Variants in ADCY9 observed in about 807,000 individuals in gnomAD.
ADCY9 encodes adenylate cyclase 9.
In ADCY9, 50 loss-of-function variants were observed where a neutral mutation model predicts 101.5. That is an observed-to-expected ratio of 0.49 (90% confidence interval 0.39 to 0.62). ADCY9 has a LOEUF of 0.62. Among genes scored for constraint, ADCY9 ranks in the 20% least tolerant of loss-of-function variants. ADCY9 has a pLI of 0.00. For missense variants in ADCY9, 1,662 were observed against 1,800.4 expected, an observed-to-expected ratio of 0.92 and a Z score of 1.39; for synonymous variants, 905 against 769.3, an observed-to-expected ratio of 1.18 and a Z score of -2.92.
Position 4,115,297 on chromosome 16 carries a change from C to T in ADCY9, c.146G>A (p.Ser49Asn). 1 of 1,613,864 alleles carries T rather than the reference C, an allele frequency of 6.2e-7. No individual in the cohort carries two copies. Residue 49 changes from serine to asparagine, a missense_variant, in exon 2 of 11, where the codon AGC becomes AAC. Ser to Asn is a conservative substitution (Grantham distance 46). Coordinates refer to ENST00000294016, the MANE Select transcript of ADCY9 (RefSeq NM_001116.4). This position sits in a 1 kb window ranked among gnomAD's most constrained non-coding sequence, Gnocchi z 6.2. ...AGAGCTGCTGCAGCTAGAGGAGATG[C>T]TGTATTTGCAGTGCTTGGGGTGGCT... Reference protein sequence around the residue: ...SNSHPKHCKYSISSSCSSSGD... With the variant: ...SNSHPKHCKYNISSSCSSSGD...
chr16:4,039,960 GC>G, intron 2 of ADCY9, among the ~76,000 whole-genome samples: 1 of 152,236 alleles, frequency 6.6e-6, no homozygotes, highest in South Asian at 2.1e-4. Flanking sequence ...GATCACCTGA[GC>G]CCAGGAGGTA....
intron 2 of ADCY9, among the ~76,000 whole-genome samples, chr16:4,078,554 C>CA (rs1010472803): frequency 2.0e-5 from 2 of 98,760 alleles, no homozygotes; most frequent in Non-Finnish European, 4.2e-5. Flanking sequence ...GACCCTGTCT[C>CA]AAAAAAAGAA....
At position 4,115,483 on chromosome 16, in the gene ADCY9, T is replaced by C. The variant is rs370670383; in HGVS notation, c.-41A>G. The C allele has an allele frequency of 1.2e-3, 1,742 of 1,481,362 alleles. No homozygotes were observed. Among genetic ancestry groups the C allele is most frequent in the Non-Finnish European group, 1.5e-3 (1,631 of 1,116,484 alleles). 91.8% of individuals were successfully genotyped at this position (1,481,362 alleles called of 1,614,324 possible). On this transcript the variant is annotated splice_region_variant and 5_prime_UTR_variant, in exon 2 of 11. Coordinates refer to ENST00000294016, the MANE Select transcript of ADCY9 (RefSeq NM_001116.4). The surrounding 1 kb of genome is among the most constrained non-coding windows in gnomAD (Gnocchi z 6.2). ...GGCCTGCCCCGGCCGGGGTCACCAG[T>C]ACCTGCCAGCAAAACGGGGAGAGTT...
chr16:4,003,512 A>T (rs17256260), intron 3 of ADCY9, among the ~76,000 whole-genome samples: 17,131 of 149,392 alleles, frequency 0.11, 1,019 homozygotes, highest in Non-Finnish European at 0.13. Context: ...ACCGCACTGA[A>T]GAGGAAAACT....
chr16:3,993,538 C>A lies in ADCY9; in HGVS notation c.1885-28G>T, dbSNP rs745619039. On this transcript the variant is annotated intron_variant, in intron 3 of 10. Coordinates refer to ENST00000294016, the MANE Select transcript of ADCY9 (RefSeq NM_001116.4). Reference sequence around the variant, plus strand: ...AGAAGAAAAACACAGACTGTGGGGACACACCCAGAAACCGCGACTGCCACC... The same window carrying A: ...AGAAGAAAAACACAGACTGTGGGGAAACACCCAGAAACCGCGACTGCCACC... 6 of 1,609,724 alleles carry A rather than the reference C, an allele frequency of 3.7e-6. No homozygotes were observed. The East Asian group carries it at 1.3e-4, about 36-fold the overall frequency.
Position 3,992,295 on chromosome 16 carries a change from G to C in ADCY9, c.2058C>G (p.Thr686=), listed in dbSNP as rs2056251046. Residue 686 remains threonine, a synonymous_variant, in exon 5 of 11, where the codon ACC becomes ACG. Transcript: ENST00000294016. The surrounding 1 kb of genome is among the most constrained non-coding windows in gnomAD (Gnocchi z 4.2). ...TCTCACACAGAGAAGTCTGACTGTTGGTGAGCTTCTCCTCTTGGGGAGGGC... is the reference window on the plus strand; with the variant it reads ...TCTCACACAGAGAAGTCTGACTGTTCGTGAGCTTCTCCTCTTGGGGAGGGC... ...LLSPPQEEKL[T]NSQTSLCEIL... 1 of 1,614,034 alleles carries C rather than the reference G, an allele frequency of 6.2e-7. No homozygotes were observed. The highest frequency in any genetic ancestry group is 1.3e-5 in the African/African-American group (1 of 74,912).
chr16:4,004,218 T>C (rs554134685), intron 3 of ADCY9, among the ~76,000 whole-genome samples: 26 of 139,922 alleles, frequency 1.9e-4, no homozygotes, highest in African/African-American at 6.7e-4. Flanking sequence ...ACTGGTACTC[T>C]AGCCTGGGCA....
chr16:4,047,187 T>C (rs1013492820), intron 2 of ADCY9, among the ~76,000 whole-genome samples: 3 of 152,142 alleles, frequency 2.0e-5, no homozygotes, highest in Admixed American at 1.3e-4. Flanking sequence ...AGTTCTAAAA[T>C]ATTAGGATTT....
At chr16:4,036,668 G>T (rs1055493798) in intron 2 of ADCY9, among the ~76,000 whole-genome samples, 91 of 152,004 alleles carry the variant, frequency 6.0e-4, no homozygotes, top group African/African-American at 2.0e-3. Context: ...CGCCATGTTG[G>T]CCAGGCTGGT....
At chr16:3,970,415 C>T (rs1007432384) in intron 10 of ADCY9, among the ~76,000 whole-genome samples, 9 of 152,150 alleles carry the variant, frequency 5.9e-5, no homozygotes, top group Non-Finnish European at 8.8e-5. Flanking sequence ...GCAACCTCCG[C>T]TTCCAGGTTC....
At chr16:4,078,735 G>C (rs757567794) in intron 2 of ADCY9, among the ~76,000 whole-genome samples, 12 of 151,886 alleles carry the variant, frequency 7.9e-5, no homozygotes, top group Admixed American at 5.3e-4. Context: ...CACATATCAA[G>C]AAATATCACG....
chr16:4,065,868 T>A (rs781689659), intron 2 of ADCY9, among the ~76,000 whole-genome samples: 5 of 148,732 alleles, frequency 3.4e-5, no homozygotes, highest in African/African-American at 5.0e-5. Context: ...CACACCCGGC[T>A]CAGTTTTGTA....
intron 6 of ADCY9, among the ~76,000 whole-genome samples, chr16:3,987,484 C>T (rs1487530018): frequency 6.6e-6 from 1 of 152,218 alleles, no homozygotes; most frequent in Non-Finnish European, 1.5e-5. Context: ...TGCTCAGCGT[C>T]AGCTCTTTGG....
intron 3 of ADCY9, among the ~76,000 whole-genome samples, chr16:4,007,122 A>C (rs1404518646): frequency 2.0e-5 from 3 of 152,210 alleles, no homozygotes; most frequent in African/African-American, 7.2e-5. Context: ...ATAACTAATA[A>C]TTCAAATGAG....
At chr16:3,974,824 CCACA>C in intron 9 of ADCY9, 114 bp from the exon 10 acceptor site, 4 of 762,994 alleles carry the variant, frequency 5.2e-6, no homozygotes, top group South Asian at 3.1e-5. Flanking sequence ...GGTTGTACAT[CCACA>C]TAAAGCCACC....
intron 2 of ADCY9, among the ~76,000 whole-genome samples, chr16:4,027,655 T>C (rs1289162471): frequency 6.6e-6 from 1 of 152,112 alleles, no homozygotes. Context: ...GGTGGGCATA[T>C]CACCTGAGCT....
At chr16:3,977,350 C>G (rs536043373) in intron 9 of ADCY9, 132 bp downstream of exon 9, 3 of 1,177,880 alleles carry the variant, frequency 2.5e-6, no homozygotes, top group East Asian at 2.6e-5. Flanking sequence ...GTGCTGACAG[C>G]TATTTTGGGT....
rs1348627691 is a variant in ADCY9, at chr16:3,953,517, C to A, written c.568-1G>T. ...TCCCTCTCCACAGGGTTCTCGTCTT[C>A]TGGAAAAGAGAAGATGGGAAAATGC... On this transcript the variant is annotated splice_acceptor_variant, in intron 5 of 5. Coordinates refer to the ADCY9 transcript ENST00000576936. LOFTEE classifies it high-confidence loss of function. The A allele has an allele frequency of 6.6e-6, 1 of 151,932 alleles. No individual in the cohort carries two copies. The highest frequency in any genetic ancestry group is 1.5e-5 in the Non-Finnish European group (1 of 68,012). The allele number at this position is 151,932 out of a possible 1,614,324, so 9.4% of individuals were successfully genotyped here. A position where few individuals can be genotyped will look rare whatever the true frequency, so the allele number is the denominator to read the frequency against.
chr16:4,076,647 G>C (rs1016588537), intron 2 of ADCY9, among the ~76,000 whole-genome samples: 5 of 137,036 alleles, frequency 3.6e-5, no homozygotes, highest in Non-Finnish European at 6.6e-5. Flanking sequence ...CAGCATCTGT[G>C]ATCGCTAGAA....
Sources: allele counts gnomAD v4.1 joint callset (sites outside exome capture counted in the v4.1 genomes callset), GRCh38; gene constraint gnomAD v4.1.1; non-coding constraint Gnocchi (gnomAD v3.1); transcripts MANE v1.5; gene names NCBI Gene and HGNC (gene_info 2026-07-23, HGNC 2026-07-21).